The following AKT3 variants were observed in gnomAD, a reference collection of about 807,000 sequenced individuals.
AKT3 encodes RAC-gamma serine/threonine-protein kinase.
Under a neutral mutation model 65.3 loss-of-function variants are expected in AKT3, and 15 were observed. That is an observed-to-expected ratio of 0.23 (90% CI 0.15 to 0.35). AKT3 has a LOEUF of 0.35. Among genes scored for constraint, AKT3 ranks in the 10% least tolerant of loss-of-function variants. The pLI, the probability that AKT3 is intolerant of heterozygous loss-of-function variation, is 1.00. For synonymous variants in AKT3, 206 were observed against 183.8 expected (o/e 1.12, Z -0.98); for missense variants, 243 against 576.5 (o/e 0.42, Z 5.92).
rs188216143 is a variant in AKT3, at chr1:243,580,005, C to T, written c.697-6957G>A. On this transcript the variant is annotated intron_variant, in intron 8 of 13. Coordinates refer to ENST00000673466, the MANE Select transcript of AKT3 (RefSeq NM_005465.7). ...TAGTCTCAAGATGAAGAAGAATTTT[C>T]TAAGCATAAAAGAAATGGAAGAAAT... is the stretch of plus-strand genomic sequence containing the variant. Among the ~76,000 whole-genome samples the T allele has an allele frequency of 3.9e-5, 6 of 152,250 alleles. No individual in the cohort carries two copies. In the East Asian group the frequency reaches 1.2e-3, roughly 29 times the overall value.
chr1:243,829,049 T>C (rs992508687), intron 2 of AKT3, among the ~76,000 whole-genome samples: 1 of 152,190 alleles, frequency 6.6e-6, no homozygotes, highest in Non-Finnish European at 1.5e-5. Flanking sequence ...AAAAGTCTCA[T>C]TTTCTTAATT....
At chr1:243,721,785 C>T (rs985491004) in intron 2 of AKT3, among the ~76,000 whole-genome samples, 2 of 151,990 alleles carry the variant, frequency 1.3e-5, no homozygotes, top group Non-Finnish European at 2.9e-5. Context: ...TAAAAGAATG[C>T]CACTGCTAAA....
Position 243,563,823 on chromosome 1 carries a change from T to C in AKT3, c.845A>G (p.Asp282Gly). The change falls in exon 10 of 14, where the codon GAT (aspartate) becomes GGT (glycine). Residue 282 changes from aspartate to glycine, a missense_variant. Coordinates refer to ENST00000673466, the MANE Select transcript of AKT3 (RefSeq NM_005465.7). The part of the protein sequence containing the change: ...LKLENLMLDK[D>G]GHIKITDFGL... ...AAAATCTGTAATTTTTATGTGGCCATCTTTGTCCAGCATTAGATTCTCCAA... is the reference window on the plus strand; with the variant it reads ...AAAATCTGTAATTTTTATGTGGCCACCTTTGTCCAGCATTAGATTCTCCAA... 6.2e-7 allele frequency: 1 copy of C among 1,612,722 alleles called. No homozygotes were observed. Among genetic ancestry groups the C allele is most frequent in the Non-Finnish European group, 8.5e-7 (1 of 1,179,456 alleles).
intron 11 of AKT3, among the ~76,000 whole-genome samples, chr1:243,547,643 A>G (rs1672765416): frequency 6.6e-6 from 1 of 152,238 alleles, no homozygotes; most frequent in Non-Finnish European, 1.5e-5. Context: ...CACCATCATA[A>G]AGTCAAAAAA....
chr1:243,782,216 G>T (rs1043516643), intron 2 of AKT3, among the ~76,000 whole-genome samples: 2 of 152,156 alleles, frequency 1.3e-5, no homozygotes, highest in African/African-American at 4.8e-5. Flanking sequence ...ATCAAAACTT[G>T]TAAAGCGGTA....
rs149048587 is a variant in AKT3 at position 243,840,169 on chromosome 1, T to C, written c.46+2956A>G. Among the ~76,000 whole-genome samples the C allele has an allele frequency of 3.6e-3, 553 of 151,880 alleles. 4 individuals are homozygous for C. Among genetic ancestry groups the C allele is most frequent in the African/African-American group, 0.012 (515 of 41,428 alleles). ...CTGGGTGACAGAACGAGACTCCGTC[T>C]CAAAAAATAAAATAAAATAAAATAA... On this transcript the variant is annotated intron_variant, in intron 2 of 13. Coordinates refer to ENST00000673466, the MANE Select transcript of AKT3 (RefSeq NM_005465.7).
chr1:243,496,928 C>CA (rs1282874220), downstream of AKT3, among the ~76,000 whole-genome samples: 1 of 152,222 alleles, frequency 6.6e-6, no homozygotes, highest in African/African-American at 2.4e-5. Flanking sequence ...GACAGCACGG[C>CA]AGGGGAGCAG....
intron 2 of AKT3, among the ~76,000 whole-genome samples, chr1:243,812,270 T>C (rs542132608): frequency 3.9e-4 from 60 of 152,196 alleles, no homozygotes; most frequent in African/African-American, 1.4e-3. Context: ...TGCAATCTAC[T>C]CATCTGACAA....
At chr1:243,522,778 T>G (rs2148390146) in intron 12 of AKT3, among the ~76,000 whole-genome samples, 1 of 152,210 alleles carries the variant, frequency 6.6e-6, no homozygotes, top group Admixed American at 6.5e-5. Context: ...AACATTAAGG[T>G]CTATTAAACC....
chr1:243,683,879 G>A (rs1470327489), intron 3 of AKT3, among the ~76,000 whole-genome samples: 1 of 152,152 alleles, frequency 6.6e-6, no homozygotes, highest in Admixed American at 6.6e-5. Context: ...CAATGGATAG[G>A]ATCCTCTTCA....
In AKT3 at chr1:243,502,014, G is replaced by C. The variant is rs1235965232; in HGVS notation, c.*3235C>G. 4.3e-6 allele frequency: 1 copy of C among 232,550 alleles called. No individual in the cohort carries two copies. Among genetic ancestry groups the C allele is most frequent in the Non-Finnish European group, 8.5e-6 (1 of 117,752 alleles). The allele number at this position is 232,550 out of a possible 1,614,324, so 14.4% of individuals were successfully genotyped here. On this transcript the variant is annotated 3_prime_UTR_variant, in exon 14 of 14. Coordinates refer to ENST00000673466, the MANE Select transcript of AKT3 (RefSeq NM_005465.7). ...ATCCTTAACCAGATGACTAGATCTT[G>C]CGCAGATCTAATGAAAGAACTAGCA...
chr1:243,640,309 G>C (rs1471272109), intron 5 of AKT3, among the ~76,000 whole-genome samples: 1 of 152,134 alleles, frequency 6.6e-6, no homozygotes, highest in Non-Finnish European at 1.5e-5. Flanking sequence ...CAAGCTATTT[G>C]TGCTAGGTAG....
downstream of AKT3, among the ~76,000 whole-genome samples, chr1:243,497,611 G>T (rs1192005911): frequency 6.6e-6 from 1 of 152,298 alleles, no homozygotes; most frequent in Non-Finnish European, 1.5e-5. Context: ...GGAGCCCACA[G>T]GCATTATGTA....
chr1:243,636,948 G>A lies in AKT3; in HGVS notation c.561+663C>T, dbSNP rs370259733. On this transcript the variant is annotated intron_variant, in intron 6 of 13. Transcript: ENST00000673466. The stretch of plus-strand genomic sequence containing the variant: ...AAACTATAGTAGCAAATAACTGGAA[G>A]TTGAAGTAGTCCATAAAGTATAACA... Among the ~76,000 whole-genome samples the A allele has an allele frequency of 3.8e-4, 58 of 152,266 alleles. No homozygotes were observed. In the East Asian group the frequency reaches 7.5e-3, roughly 20 times the overall value.
Position 243,806,681 on chromosome 1 carries a change from A to G in AKT3, c.46+36444T>C, listed in dbSNP as rs1442640269. Among the ~76,000 whole-genome samples the G allele has an allele frequency of 2.0e-5, 3 of 152,252 alleles. No homozygotes were observed. The East Asian group carries it at 5.8e-4, about 29-fold the overall frequency. Reference sequence around the variant, plus strand: ...TCAATAAATATCACATAGCTATTTGATGTGTCTCATTGTTAGGAGTTCTAA... The same window carrying G: ...TCAATAAATATCACATAGCTATTTGGTGTGTCTCATTGTTAGGAGTTCTAA... On this transcript the variant is annotated intron_variant, in intron 2 of 13. Transcript: ENST00000673466.
chr1:243,768,025 T>C (rs376640819), intron 2 of AKT3, among the ~76,000 whole-genome samples: 1 of 151,656 alleles, frequency 6.6e-6, no homozygotes, highest in Non-Finnish European at 1.5e-5. Context: ...ATAAACAAAC[T>C]CTAGAATTTA....
chr1:243,544,020 T>C (rs897187437), intron 12 of AKT3, among the ~76,000 whole-genome samples: 11 of 152,032 alleles, frequency 7.2e-5, no homozygotes. Context: ...AGAAGAACAC[T>C]TGGCACATAA....
chr1:243,813,960 A>G (rs1229725277), intron 2 of AKT3, among the ~76,000 whole-genome samples: 1 of 151,888 alleles, frequency 6.6e-6, no homozygotes, highest in Non-Finnish European at 1.5e-5. Flanking sequence ...AACATTAGCC[A>G]GGTGGTGGTG....
intron 4 of AKT3, among the ~76,000 whole-genome samples, chr1:243,649,343 G>A (rs1223564522): frequency 6.7e-6 from 1 of 149,528 alleles, no homozygotes; most frequent in African/African-American, 2.5e-5. Context: ...GTGTGTGTGT[G>A]TGTGTGTGTG....
Sources: gnomAD v4.1 joint callset for allele counts (sites outside exome capture counted in the v4.1 genomes callset) on GRCh38, gnomAD v4.1.1 for gene constraint, MANE v1.5 for transcripts, NCBI Gene and HGNC (gene_info 2026-07-23, HGNC 2026-07-21) for gene names.